PCDH7: variants seen among roughly 807,000 people sequenced by gnomAD.
The protein encoded by PCDH7 is protocadherin 7, also known as protocadherin-7.
A neutral mutation model predicts 58.9 loss-of-function variants in PCDH7; 17 were observed. That is an observed-to-expected ratio of 0.29 (90% CI 0.20 to 0.43). PCDH7 has a LOEUF of 0.43. Among genes scored for constraint, PCDH7 ranks in the 20% least tolerant of loss-of-function variants. The pLI is 1.00. For missense variants in PCDH7, 1,274 were observed against 1,441.0 expected, an observed-to-expected ratio of 0.88 and a Z score of 1.88; for synonymous variants, 664 against 616.4, an observed-to-expected ratio of 1.08 and a Z score of -1.14.
intron 1 of PCDH7, among the ~76,000 whole-genome samples, chr4:30,834,274 T>C (rs1442818137): frequency 6.6e-6 from 1 of 152,174 alleles, no homozygotes; most frequent in African/African-American, 2.4e-5. Context: ...TTGAAATTCT[T>C]AATAATTTTT....
intron 3 of PCDH7, among the ~76,000 whole-genome samples, chr4:31,012,055 T>C (rs1753231559): frequency 6.6e-6 from 1 of 152,096 alleles, no homozygotes; most frequent in Non-Finnish European, 1.5e-5. Flanking sequence ...CACCAAATCT[T>C]CTTAGAAACA....
chr4:30,849,798 C>A (rs368656163), intron 1 of PCDH7, among the ~76,000 whole-genome samples: 34 of 152,142 alleles, frequency 2.2e-4, no homozygotes, highest in African/African-American at 8.2e-4. Flanking sequence ...TCTTTAATTT[C>A]TATTCCTGGA....
chr4:30,898,240 T>C (rs547230638), intron 1 of PCDH7, among the ~76,000 whole-genome samples: 1 of 152,288 alleles, frequency 6.6e-6, no homozygotes, highest in East Asian at 1.9e-4. Context: ...ACTTGAACTC[T>C]GCCATCGGTA....
chr4:30,973,947 A>G (rs1749823046), intron 3 of PCDH7, among the ~76,000 whole-genome samples: 1 of 152,128 alleles, frequency 6.6e-6, no homozygotes, highest in Non-Finnish European at 1.5e-5. Flanking sequence ...TAAACTTTAA[A>G]AAATCACTAG....
exon 2 of PCDH7, chr4:30,730,825 C>T: frequency 6.4e-7 from 1 of 1,560,896 alleles, no homozygotes; most frequent in South Asian, 1.2e-5. Context: ...ATGCACCATA[C>T]TGTGATGACC....
At chr4:30,884,566 T>C (rs1249323981) in intron 1 of PCDH7, 3 of 152,160 alleles carry the variant, frequency 2.0e-5, no homozygotes, top group Non-Finnish European at 4.4e-5. Context: ...GCCCTCTGAT[T>C]TATGTGAATG....
exon 2 of PCDH7, chr4:30,731,510 A>G (rs893612402): frequency 6.6e-6 from 1 of 152,098 alleles, no homozygotes; most frequent in African/African-American, 2.4e-5. Flanking sequence ...CAAGATATTT[A>G]TATCATTTTT....
intron 1 of PCDH7, among the ~76,000 whole-genome samples, chr4:30,769,053 T>A (rs1335569006): frequency 1.3e-5 from 2 of 152,190 alleles, no homozygotes; most frequent in African/African-American, 2.4e-5. Flanking sequence ...GGAACATGGA[T>A]CAGGGTCAAA....
At chr4:30,754,577 T>C (rs1451174959) in intron 1 of PCDH7, among the ~76,000 whole-genome samples, 1 of 152,128 alleles carries the variant, frequency 6.6e-6, no homozygotes, top group Admixed American at 6.5e-5. Context: ...CTCAAGGTAC[T>C]TTTATTGCTG....
intron 2 of PCDH7, among the ~76,000 whole-genome samples, chr4:30,937,616 A>G (rs73812701): frequency 0.014 from 2,137 of 152,258 alleles, 43 homozygotes; most frequent in African/African-American, 0.049. Context: ...CATGACAGAA[A>G]TAAAAGGGAA....
At chr4:31,054,078 A>G (rs1241516626) in intron 3 of PCDH7, among the ~76,000 whole-genome samples, 2 of 151,708 alleles carry the variant, frequency 1.3e-5, no homozygotes, top group Non-Finnish European at 2.9e-5. Flanking sequence ...CAATCCTCCC[A>G]CCTCAGCCTC....
chr4:31,084,473 A>C (rs1412292489), intron 3 of PCDH7, among the ~76,000 whole-genome samples: 2 of 151,612 alleles, frequency 1.3e-5, no homozygotes, highest in Non-Finnish European at 2.9e-5. Context: ...CCTGTAAAGG[A>C]ATATCTGGAC....
In PCDH7 at chr4:30,822,215, A is replaced by G. The variant is rs148726230; in HGVS notation, c.70+97619A>G. ...GCAAATTCATTTTCAAAGAGCACCT[A>G]CTTTCACATTTATTTGCAAGCAACT... On this transcript the variant is annotated intron_variant, in intron 1 of 3. Coordinates refer to the PCDH7 transcript ENST00000509759. Among the ~76,000 whole-genome samples, 500 of 152,228 alleles carry G rather than the reference A, an allele frequency of 3.3e-3. 3 individuals carry two copies. The highest frequency in any genetic ancestry group is 0.011 in the African/African-American group (475 of 41,536).
At chr4:31,106,042 A>G (rs1223696775) in intron 3 of PCDH7, among the ~76,000 whole-genome samples, 1 of 151,290 alleles carries the variant, frequency 6.6e-6, no homozygotes, top group African/African-American at 2.4e-5. Flanking sequence ...ATATATGTAT[A>G]TATACTTTTA....
chr4:30,790,253 T>C (rs1295916331), intron 1 of PCDH7, among the ~76,000 whole-genome samples: 1 of 152,206 alleles, frequency 6.6e-6, no homozygotes, highest in Non-Finnish European at 1.5e-5. Context: ...TATTCATTGC[T>C]CTCTTAATAT....
chr4:31,049,913 C>G (rs1013560914), intron 3 of PCDH7, among the ~76,000 whole-genome samples: 1 of 152,110 alleles, frequency 6.6e-6, no homozygotes, highest in Non-Finnish European at 1.5e-5. Context: ...ATTATCTCTG[C>G]AGACACATCA....
chr4:30,830,512 A>G (rs2109329977), intron 1 of PCDH7, among the ~76,000 whole-genome samples: 1 of 152,206 alleles, frequency 6.6e-6, no homozygotes, highest in South Asian at 2.1e-4. Context: ...TTCCTTTTTT[A>G]ATCATCCTTC....
chr4:31,133,790 G>A (rs879682915), intron 3 of PCDH7, among the ~76,000 whole-genome samples: 5 of 152,094 alleles, frequency 3.3e-5, no homozygotes, highest in African/African-American at 7.2e-5. Flanking sequence ...GAGATGTGGC[G>A]TACAGAATCT....
At chr4:31,124,706 T>G (rs556695048) in intron 3 of PCDH7, among the ~76,000 whole-genome samples, 44 of 152,306 alleles carry the variant, frequency 2.9e-4, no homozygotes, top group African/African-American at 5.8e-4. Context: ...GTAAGTCAAG[T>G]TGGTGAAGCA....
Sources: allele counts gnomAD v4.1 joint callset (sites outside exome capture counted in the v4.1 genomes callset), GRCh38; gene constraint gnomAD v4.1.1; transcripts MANE v1.5; gene names NCBI Gene and HGNC (gene_info 2026-07-23, HGNC 2026-07-21).